The following RYR1 variants were observed in gnomAD, a reference collection of about 807,000 sequenced individuals.
RYR1 encodes the protein ryanodine receptor 1, also known as central core disease of muscle.
Under a neutral mutation model 583.5 loss-of-function variants are expected in RYR1, and 342 were observed. That is an observed-to-expected ratio of 0.59 (90% CI 0.54 to 0.64). The LOEUF (loss-of-function observed/expected upper bound fraction) is 0.64. Among genes scored for constraint, RYR1 ranks in the 30% least tolerant of loss-of-function variants. The pLI is 0.00. For synonymous variants in RYR1, 2,791 were observed against 2,822.5 expected, an observed-to-expected ratio of 0.99 and a Z score of 0.35; for missense variants, 6,032 against 6,917.2, an observed-to-expected ratio of 0.87 and a Z score of 4.54.
At chr19:38,567,695 G>A (rs1973507573) in intron 92 of RYR1, 78 bp from the exon 93 acceptor site, 1 of 1,609,810 alleles carries the variant, frequency 6.2e-7, no homozygotes, top group Non-Finnish European at 8.5e-7. Context: ...GCGGGCCCTT[G>A]GTGAATGGTT....
At chr19:38,527,597 C>G in intron 72 of RYR1, 50 bp from the exon 73 acceptor site, 1 of 1,611,324 alleles carries the variant, frequency 6.2e-7, no homozygotes, top group Non-Finnish European at 8.5e-7. Context: ...ATCCGGCGGA[C>G]ACTGTGGGAA....
intron 63 of RYR1, among the ~76,000 whole-genome samples, chr19:38,513,471 C>T (rs945012504): frequency 1.3e-5 from 2 of 152,128 alleles, no homozygotes; most frequent in Admixed American, 1.3e-4. Context: ...CATAGCAAAA[C>T]CCCATCTTAA....
Position 38,536,042 on chromosome 19 carries a change from G to A in RYR1, c.11562G>A (p.Gly3854=), listed in dbSNP as rs779210206. The A allele has an allele frequency of 6.2e-7, 1 of 1,613,706 alleles. No individual in the cohort carries two copies. The highest frequency in any genetic ancestry group is 8.5e-7 in the Non-Finnish European group (1 of 1,179,960). The part of the protein sequence containing the change: ...NAFERQNKAE[G]LGMVNEDGTV... Reference sequence around the variant, plus strand: ...TTGAGAGACAGAACAAGGCCGAGGGGCTGGGCATGGTGAATGAGGATGGCA... The same window carrying A: ...TTGAGAGACAGAACAAGGCCGAGGGACTGGGCATGGTGAATGAGGATGGCA... The change falls in exon 82 of 106, where the codon GGG becomes GGA. Residue 3854 remains glycine, a synonymous_variant. Transcript: ENST00000359596.
chr19:38,566,780 T>G lies in RYR1; in HGVS notation c.13438-131T>G, dbSNP rs570266813. On this transcript the variant is annotated intron_variant, in intron 91 of 105. Transcript: ENST00000359596. ...AAACGGGAATCATAATCTGCCTCTT[T>G]CTGGTGGAGGGAAGTGTAAAACTTA... The G allele has an allele frequency of 4.6e-6, 7 of 1,507,868 alleles. No homozygotes were observed. In the African/African-American group the frequency reaches 9.7e-5, roughly 21 times the overall value. 93.4% of individuals were successfully genotyped at this position (1,507,868 alleles called of 1,614,324 possible).
At position 38,561,894 on chromosome 19, in the gene RYR1, C is replaced by A. The variant is rs1477605198; in HGVS notation, c.12624+440C>A. Among the ~76,000 whole-genome samples the A allele has an allele frequency of 1.1e-4, 16 of 152,126 alleles. No homozygotes were observed. Among genetic ancestry groups the A allele is most frequent in the Non-Finnish European group, 1.5e-5 (1 of 68,022 alleles). Reference sequence around the variant, plus strand: ...CGGCGTGCCGTCTCTTGGTCCTGGCCCGCTCATGCTCACTCTTGTACACGC... The same window carrying A: ...CGGCGTGCCGTCTCTTGGTCCTGGCACGCTCATGCTCACTCTTGTACACGC... On this transcript the variant is annotated intron_variant, in intron 90 of 105. Coordinates refer to ENST00000359596, the MANE Select transcript of RYR1 (RefSeq NM_000540.3). This position sits in a 1 kb window ranked among gnomAD's most constrained non-coding sequence, Gnocchi z 4.8.
intron 13 of RYR1, 88 bp from the exon 14 acceptor site, chr19:38,455,147 A>T: frequency 6.8e-7 from 1 of 1,473,188 alleles, no homozygotes; most frequent in Admixed American, 1.7e-5. Context: ...CTAGTTGTTG[A>T]AGGAATATGA....
intron 67 of RYR1, 58 bp from the exon 68 acceptor site, chr19:38,522,970 G>A: frequency 7.3e-7 from 1 of 1,371,190 alleles, no homozygotes; most frequent in East Asian, 2.5e-5. Flanking sequence ...CTCTCTCTGG[G>A]CAGCCCCCTT....
intron 63 of RYR1, among the ~76,000 whole-genome samples, chr19:38,514,705 T>C (rs1330024920): frequency 6.6e-6 from 1 of 152,174 alleles, no homozygotes. Flanking sequence ...ATGAGTCCTC[T>C]CCACGGAAGA....
In RYR1 at chr19:38,499,628, T is replaced by TG; in HGVS notation, c.7028-5dup. On this transcript the variant is annotated splice_polypyrimidine_tract_variant and splice_region_variant and intron_variant, in intron 43 of 105. Transcript: ENST00000359596. This position sits in a 1 kb window ranked among gnomAD's most constrained non-coding sequence, Gnocchi z 7.3. ...ATGAGACCCCCTTTCCCCATGCGGGTGGCCAGGCGAGAGCGTGGAGGAGAA... is the reference window on the plus strand; with the variant it reads ...ATGAGACCCCCTTTCCCCATGCGGGTGGGCCAGGCGAGAGCGTGGAGGAGAA... 1 of 1,597,232 alleles carries TG rather than the reference T, an allele frequency of 6.3e-7. No individual in the cohort carries two copies. The highest frequency in any genetic ancestry group is 8.5e-7 in the Non-Finnish European group (1 of 1,179,820).
intron 25 of RYR1, among the ~76,000 whole-genome samples, chr19:38,468,103 T>G (rs12460284): frequency 7.0e-6 from 1 of 142,700 alleles, no homozygotes; most frequent in Non-Finnish European, 1.5e-5. Context: ...CAACCATCCA[T>G]CCAGCTAACC....
chr19:38,523,302 T>C lies in RYR1; in HGVS notation c.10433T>C (p.Met3478Thr). ...SFLTADNKSK[M>T]AKAGDIQSGG... is the part of the protein sequence containing the mutation. The stretch of plus-strand genomic sequence containing the variant: ...CTGACTGCTGACAACAAAAGCAAAA[T>C]GGCTAAGGTCGGGGCTTGGTTCTGG... The change falls in exon 69 of 106, where the codon ATG becomes ACG. Residue 3478 changes from methionine (M) to threonine (T), a missense_variant. Around this residue, in one of 11 missense-constraint regions of RYR1, gnomAD observed 1,493 missense variants for 1,715.5 expected, o/e 0.87. Transcript: ENST00000359596. 1.9e-6 allele frequency: 3 copies of C among 1,614,134 alleles called. No homozygotes were observed. Among genetic ancestry groups the C allele is most frequent in the Non-Finnish European group, 2.5e-6 (3 of 1,180,024 alleles).
Position 38,464,690 on chromosome 19 carries a change from G to T in RYR1, c.2838G>T (p.Glu946Asp). ...TGGGCATGGCGGATGAGAAGGCGGA[G>T]GACAACCTGAAGAAGACAAAACTCC... is the stretch of plus-strand genomic sequence containing the variant. ...CHVGMADEKA[E>D]DNLKKTKLPK... is the part of the protein sequence containing the mutation. The change falls in exon 23 of 106, where the codon GAG becomes GAT. Residue 946 changes from glutamate to aspartate, a missense_variant. Physicochemically the swap from Glu to Asp is conservative, Grantham distance 45. Around this residue, in one of 11 missense-constraint regions of RYR1, gnomAD observed 2,627 missense variants for 2,961.3 expected, o/e 0.89. Coordinates refer to ENST00000359596, the MANE Select transcript of RYR1 (RefSeq NM_000540.3). 3 of 1,592,652 alleles carry T rather than the reference G, an allele frequency of 1.9e-6. No individual in the cohort carries two copies. The highest frequency in any genetic ancestry group is 2.3e-5 in the East Asian group (1 of 44,066).
At chr19:38,457,243 T>G (rs1244292210) in intron 16 of RYR1, among the ~76,000 whole-genome samples, 1 of 151,920 alleles carries the variant, frequency 6.6e-6, no homozygotes, top group Admixed American at 6.6e-5. Context: ...CTCCAGTATC[T>G]CCTTCCTTAC....
intron 81 of RYR1, 131 bp from the exon 82 acceptor site, chr19:38,535,866 C>T (rs779101976): frequency 2.0e-5 from 16 of 808,030 alleles, no homozygotes; most frequent in Non-Finnish European, 3.0e-5. Context: ...TTTCTGCTTC[C>T]TCTTGATTTC....
chr19:38,438,636 TGAGA>T (rs1972532896), intron 1 of RYR1, among the ~76,000 whole-genome samples: 3 of 146,476 alleles, frequency 2.0e-5, no homozygotes, highest in African/African-American at 2.5e-5. Flanking sequence ...TTTTTTTTTT[TGAGA>T]TGGAGTCTCG....
intron 29 of RYR1, among the ~76,000 whole-genome samples, chr19:38,475,998 G>A (rs769578050): frequency 4.0e-4 from 60 of 151,728 alleles, no homozygotes; most frequent in African/African-American, 1.3e-3. Flanking sequence ...GTTCCATCTC[G>A]GATCATCAGG....
rs749117569 is a variant in RYR1 at position 38,506,843 on chromosome 19, C to A, written c.8707C>A (p.Pro2903Thr). 1.2e-6 allele frequency: 2 copies of A among 1,613,966 alleles called. No homozygotes were observed. The highest frequency in any genetic ancestry group is 1.1e-5 in the South Asian group (1 of 91,076). The change falls in exon 57 of 106, where the codon CCC becomes ACC. Residue 2903 changes from proline (P) to threonine (T), a missense_variant. This residue lies in a region of RYR1 where 1,493 missense variants were observed against 1,715.5 expected (regional missense o/e 0.87). Coordinates refer to ENST00000359596, the MANE Select transcript of RYR1 (RefSeq NM_000540.3). The part of the protein sequence containing the change: ...ELEAKGGGTH[P>T]LLVPYDTLTA... ...TGCCTCCCCAGGCGGTGGGACCCAC[C>A]CCCTGCTGGTCCCCTACGACACGCT...
At chr19:38,502,322 TGGGGTGGG>T (rs1048596185) in intron 47 of RYR1, among the ~76,000 whole-genome samples, 177 bp from the exon 48 acceptor site, 1 of 125,948 alleles carries the variant, frequency 7.9e-6, no homozygotes, top group Non-Finnish European at 1.7e-5. Flanking sequence ...TAGTAAGTGG[TGGGGTGGG>T]GGCTGTGGGC....
chr19:38,442,942 C>T (rs1972766376), intron 3 of RYR1, among the ~76,000 whole-genome samples: 1 of 152,198 alleles, frequency 6.6e-6, no homozygotes, highest in African/African-American at 2.4e-5. Context: ...GTGGGTCCAC[C>T]ATGTGATCAC....
Sources: gnomAD v4.1 joint callset for allele counts (sites outside exome capture counted in the v4.1 genomes callset) on GRCh38, gnomAD v4.1.1 for gene constraint, gnomAD v4.1.1 regional missense constraint, Gnocchi (gnomAD v3.1) non-coding constraint, MANE v1.5 for transcripts, NCBI Gene and HGNC (gene_info 2026-07-23, HGNC 2026-07-21) for gene names.